The following PRKN variants were observed in gnomAD, a reference collection of about 807,000 sequenced individuals.
PRKN encodes E3 ubiquitin-protein ligase parkin.
PRKN carries 56 observed loss-of-function variants against 59.5 expected under a neutral mutation model. That is an observed-to-expected ratio of 0.94 (90% CI 0.76 to 1.18). PRKN has a LOEUF of 1.18. PRKN is among the 50% of genes most tolerant of loss of function. The pLI is 0.00. For missense variants in PRKN, 657 were observed against 596.4 expected (o/e 1.10, Z -1.06); for synonymous variants, 250 against 222.1 (o/e 1.13, Z -1.12).
intron 7 of PRKN, among the ~76,000 whole-genome samples, chr6:161,693,255 G>T (rs1384938309): frequency 1.3e-5 from 2 of 152,112 alleles, no homozygotes; most frequent in East Asian, 1.9e-4. Flanking sequence ...TTGTTCGAAA[G>T]ATAGATTTTT....
chr6:162,407,661 C>CA (rs1788139442), intron 2 of PRKN, among the ~76,000 whole-genome samples: 1 of 152,068 alleles, frequency 6.6e-6, no homozygotes, highest in African/African-American at 2.4e-5. Flanking sequence ...ACCTGCTAGT[C>CA]ATAATTAAAA....
intron 5 of PRKN, among the ~76,000 whole-genome samples, chr6:162,013,687 A>C (rs1227744233): frequency 6.6e-6 from 1 of 152,174 alleles, no homozygotes; most frequent in Non-Finnish European, 1.5e-5. Flanking sequence ...ACACTGATAA[A>C]TCTGACTCTG....
chr6:162,011,607 T>G (rs1782721602), intron 5 of PRKN, among the ~76,000 whole-genome samples: 2 of 145,114 alleles, frequency 1.4e-5, no homozygotes, highest in Admixed American at 1.5e-4. Flanking sequence ...GTGCTATGAA[T>G]AATTGACAGA....
intron 2 of PRKN, among the ~76,000 whole-genome samples, chr6:162,387,858 T>A (rs1786934187): frequency 6.6e-6 from 1 of 152,182 alleles, no homozygotes; most frequent in Non-Finnish European, 1.5e-5. Flanking sequence ...TGAAACAAGG[T>A]GGCCTCTGGC....
Position 161,348,468 on chromosome 6 carries a change from A to T in PRKN, c.*1631T>A, listed in dbSNP as rs1784411480. Reference sequence around the variant, plus strand: ...AAGCCACATGAAGCTGTGAATGCTGATGTGGCTGCTGCAGAGCCCAGTCTC... The same window carrying T: ...AAGCCACATGAAGCTGTGAATGCTGTTGTGGCTGCTGCAGAGCCCAGTCTC... On this transcript the variant is annotated 3_prime_UTR_variant, in exon 12 of 12. Coordinates refer to ENST00000366898, the MANE Select transcript of PRKN (RefSeq NM_004562.3). The surrounding 1 kb of genome is among the most constrained non-coding windows in gnomAD (Gnocchi z 4.9). The T allele has an allele frequency of 9.1e-6, 2 of 219,862 alleles. No individual in the cohort carries two copies. The highest frequency in any genetic ancestry group is 5.8e-5 in the Admixed American group (1 of 17,234). The allele number at this position is 219,862 out of a possible 1,614,324, so 13.6% of individuals were successfully genotyped here.
chr6:161,520,819 T>C (rs1338484721), intron 9 of PRKN, among the ~76,000 whole-genome samples: 1 of 152,214 alleles, frequency 6.6e-6, no homozygotes, highest in Non-Finnish European at 1.5e-5. Flanking sequence ...AATCAAAATG[T>C]AGTGAAGACA....
chr6:162,141,330 A>G (rs1218440876), intron 4 of PRKN, among the ~76,000 whole-genome samples: 8 of 152,152 alleles, frequency 5.3e-5, no homozygotes, highest in African/African-American at 1.7e-4. Flanking sequence ...CAAAACTTTG[A>G]AAGTATATAA....
intron 7 of PRKN, among the ~76,000 whole-genome samples, chr6:161,638,738 A>ATTTTTTTATTTTT (rs1783621375): frequency 3.0e-5 from 3 of 100,224 alleles, no homozygotes; most frequent in African/African-American, 4.5e-5. Flanking sequence ...ACGAGATCTG[A>ATTTTTTTATTTTT]TTTTTTTTTT....
intron 2 of PRKN, among the ~76,000 whole-genome samples, chr6:162,323,686 T>C (rs1583379584): frequency 6.6e-6 from 1 of 151,942 alleles, no homozygotes; most frequent in South Asian, 2.1e-4. Context: ...AAACGCAAAA[T>C]AAAACCACAA....
Position 161,473,039 on chromosome 6 carries a change from T to C in PRKN, c.1083+75815A>G, listed in dbSNP as rs1790870475. Reference sequence around the variant, plus strand: ...GAGAAAAGGGAACCCTGACATGCTGTTGGTGGGAATGTAAATTGTTGCAGC... The same window carrying C: ...GAGAAAAGGGAACCCTGACATGCTGCTGGTGGGAATGTAAATTGTTGCAGC... On this transcript the variant is annotated intron_variant, in intron 9 of 11. Coordinates refer to ENST00000366898, the MANE Select transcript of PRKN (RefSeq NM_004562.3). The surrounding 1 kb of genome is among the most constrained non-coding windows in gnomAD (Gnocchi z 4.1). Among the ~76,000 whole-genome samples the C allele has an allele frequency of 6.6e-6, 1 of 152,120 alleles. No individual in the cohort carries two copies. Among genetic ancestry groups the C allele is most frequent in the Non-Finnish European group, 1.5e-5 (1 of 68,020 alleles).
intron 1 of PRKN, among the ~76,000 whole-genome samples, chr6:162,471,994 T>C (rs1051586642): frequency 1.2e-4 from 19 of 152,174 alleles, no homozygotes; most frequent in Admixed American, 3.3e-4. Context: ...CATAAGAACA[T>C]TGAGAATAAA....
At chr6:162,270,533 C>T (rs1214449244) in intron 2 of PRKN, among the ~76,000 whole-genome samples, 13 of 152,138 alleles carry the variant, frequency 8.5e-5, no homozygotes, top group Admixed American at 7.9e-4. Context: ...CAGTGGAAGG[C>T]TGTCAAACTT....
At chr6:162,269,266 A>G (rs550220695) in intron 2 of PRKN, among the ~76,000 whole-genome samples, 2 of 152,122 alleles carry the variant, frequency 1.3e-5, no homozygotes, top group Non-Finnish European at 2.9e-5. Flanking sequence ...AAAATACTGC[A>G]ACTGTGTCTG....
chr6:162,556,883 T>TG (rs1410705130), intron 1 of PRKN, among the ~76,000 whole-genome samples: 3 of 152,056 alleles, frequency 2.0e-5, no homozygotes, highest in African/African-American at 7.2e-5. Flanking sequence ...GCACAGGGCA[T>TG]GAGTCATTCT....
At chr6:162,188,003 T>C (rs1330237828) in intron 4 of PRKN, among the ~76,000 whole-genome samples, 4 of 152,124 alleles carry the variant, frequency 2.6e-5, no homozygotes, top group Non-Finnish European at 5.9e-5. Flanking sequence ...GGTGGGTTTT[T>C]CCTGCACTGT....
At chr6:161,988,470 G>A (rs1304468115) in intron 5 of PRKN, among the ~76,000 whole-genome samples, 6 of 151,526 alleles carry the variant, frequency 4.0e-5, no homozygotes, top group African/African-American at 9.7e-5. Context: ...TGAGCAACAC[G>A]GCGAGACTCC....
intron 2 of PRKN, among the ~76,000 whole-genome samples, chr6:162,357,953 T>C: frequency 6.6e-6 from 1 of 152,046 alleles, no homozygotes; most frequent in East Asian, 1.9e-4. Context: ...ATGTTTAGGG[T>C]AGTGGTGCTC....
intron 1 of PRKN, among the ~76,000 whole-genome samples, chr6:162,650,909 G>A (rs1432750701): frequency 1.3e-5 from 2 of 152,278 alleles, no homozygotes; most frequent in Non-Finnish European, 2.9e-5. Flanking sequence ...GTTTCAGAAA[G>A]CAAAGTCCCA....
At chr6:162,266,921 C>G (rs1193892023) in intron 2 of PRKN, among the ~76,000 whole-genome samples, 1 of 152,134 alleles carries the variant, frequency 6.6e-6, no homozygotes, top group Non-Finnish European at 1.5e-5. Flanking sequence ...GCAGAATAAG[C>G]AGAAGCTATC....
Sources: gnomAD v4.1 joint callset for allele counts (sites outside exome capture counted in the v4.1 genomes callset) on GRCh38, gnomAD v4.1.1 for gene constraint, Gnocchi (gnomAD v3.1) non-coding constraint, MANE v1.5 for transcripts, NCBI Gene and HGNC (gene_info 2026-07-23, HGNC 2026-07-21) for gene names.